DNAJB11: variants seen among roughly 807,000 people sequenced by gnomAD.
The protein encoded by DNAJB11 is DnaJ heat shock protein family (Hsp40) member B11.
A neutral mutation model predicts 47.2 loss-of-function variants in DNAJB11; 30 were observed. The observed-to-expected ratio is 0.64, with a 90% CI of 0.48 to 0.86. The LOEUF is 0.86. Ranked by LOEUF, DNAJB11 falls within the 40% of genes least tolerant of loss-of-function variation. The pLI, the probability that DNAJB11 is intolerant of heterozygous loss-of-function variation, is 0.00. For missense variants in DNAJB11, 357 were observed against 440.2 expected (o/e 0.81, Z 1.69); for synonymous variants, 151 against 159.9 (o/e 0.94, Z 0.42).
At chr3:186,577,544 C>T in intron 3 of DNAJB11, 124 bp from the exon 4 acceptor site, 3 of 847,128 alleles carry the variant, frequency 3.5e-6, no homozygotes, top group East Asian at 2.8e-5. Flanking sequence ...TAAAAAATAC[C>T]TTGTAGTTTT....
At chr3:186,571,302 G>A (rs899316640) in intron 1 of DNAJB11, among the ~76,000 whole-genome samples, 2 of 152,228 alleles carry the variant, frequency 1.3e-5, no homozygotes, top group Non-Finnish European at 2.9e-5. Flanking sequence ...GTAGAGCTGG[G>A]GAAGAAAGAG....
intron 3 of DNAJB11, 47 bp from the exon 4 acceptor site, chr3:186,577,621 A>G: frequency 7.1e-7 from 1 of 1,413,586 alleles, no homozygotes; most frequent in Middle Eastern, 1.9e-4. Context: ...TGAAACATAG[A>G]GTCTTGATTT....
At chr3:186,575,433 TG>T (rs535655574) in intron 2 of DNAJB11, among the ~76,000 whole-genome samples, 188 of 151,922 alleles carry the variant, frequency 1.2e-3, no homozygotes, top group African/African-American at 4.3e-3. Context: ...TATAGACCTG[TG>T]GGGCCAAGTT....
rs767704483 is a variant in DNAJB11, at chr3:186,570,947, T to A, written c.50T>A (p.Ile17Asn). Residue 17 changes from isoleucine (I) to asparagine (N), a missense_variant, in exon 1 of 10, where the codon ATC (isoleucine) becomes AAC (asparagine). Transcript: ENST00000265028. ...STFCLLLLYL[I>N]GAVIAGRDFY... ...TTTTGCCTGTTGCTGCTATACCTCA[T>A]CGGGGCGGTGATTGCCGGGTGAGGA... 9.8e-6 allele frequency: 14 copies of A among 1,427,786 alleles called. No homozygotes were observed. The South Asian group carries it at 1.5e-4, about 15-fold the overall frequency. 88.4% of individuals were successfully genotyped at this position (1,427,786 alleles called of 1,614,324 possible).
chr3:186,578,476 G>A (rs189340084), intron 4 of DNAJB11: 5 of 152,292 alleles, frequency 3.3e-5, no homozygotes, highest in African/African-American at 9.6e-5. Context: ...TTTTGAAATT[G>A]ATTGTACTGA....
Position 186,581,413 on chromosome 3 carries a change from CG to C in DNAJB11, c.501del (p.Lys168SerfsTer20). On this transcript the variant is annotated frameshift_variant, in exon 5 of 10. Transcript: ENST00000265028. LOFTEE classifies it high-confidence loss of function. ...KPVARQAPGK[R>X]KCNCRQEMRT... is the part of the protein sequence containing the mutation. ...TGTGGCAAGGCAGGCTCCTGGCAAA[CG>C]GAAGTGCAATTGTCGGCAAGAGATG... 2 of 1,613,846 alleles carry C rather than the reference CG, an allele frequency of 1.2e-6. No homozygotes were observed. The highest frequency in any genetic ancestry group is 1.1e-5 in the South Asian group (1 of 91,072).
At chr3:186,571,012 TGC>T in intron 1 of DNAJB11, 47 bp downstream of exon 1, 2 of 321,422 alleles carry the variant, frequency 6.2e-6, no homozygotes, top group Non-Finnish European at 1.2e-5. Context: ...GGTCAGCCTT[TGC>T]TGGGGGGTGG....
chr3:186,581,626 G>A, intron 5 of DNAJB11, 113 bp downstream of exon 5: 2 of 1,240,652 alleles, frequency 1.6e-6, no homozygotes, highest in Admixed American at 2.7e-5. Context: ...CCACTGCCAT[G>A]TTCTGCAAAA....
intron 2 of DNAJB11, among the ~76,000 whole-genome samples, chr3:186,573,215 C>A (rs1227699111): frequency 1.3e-5 from 2 of 152,118 alleles, no homozygotes; most frequent in Non-Finnish European, 1.5e-5. Flanking sequence ...AGGCTAAAAA[C>A]AAATTGAAAA....
At chr3:186,582,899 T>C in intron 7 of DNAJB11, 126 bp downstream of exon 7, 1 of 722,974 alleles carries the variant, frequency 1.4e-6, no homozygotes, top group Non-Finnish European at 2.4e-6. Flanking sequence ...GATTTGTAAC[T>C]CCTCTACAAG....
chr3:186,577,382 C>T (rs1210566503), intron 3 of DNAJB11, among the ~76,000 whole-genome samples: 2 of 152,110 alleles, frequency 1.3e-5, no homozygotes, highest in Non-Finnish European at 2.9e-5. Context: ...ACATTGAATT[C>T]ATTGGCATAC....
chr3:186,579,947 ATTC>A (rs1197708177), intron 4 of DNAJB11: 2 of 152,234 alleles, frequency 1.3e-5, no homozygotes, highest in African/African-American at 2.4e-5. Context: ...CAAGAAGCGT[ATTC>A]TTCTTAGTTG....
chr3:186,585,192 A>C (rs558669649), intron 9 of DNAJB11, 152 bp from the exon 10 acceptor site: 6 of 562,656 alleles, frequency 1.1e-5, no homozygotes, highest in Non-Finnish European at 1.3e-5. Flanking sequence ...GGGGTTACCT[A>C]CATGCAATTA....
chr3:186,581,284 G>A (rs1253428771), intron 4 of DNAJB11, 87 bp from the exon 5 acceptor site: 2 of 1,467,580 alleles, frequency 1.4e-6, no homozygotes, highest in Non-Finnish European at 9.3e-7. Context: ...TTTCAGTCCA[G>A]GCATATGTGC....
chr3:186,584,233 G>C (rs1049982417), intron 8 of DNAJB11, among the ~76,000 whole-genome samples, 197 bp from the exon 9 acceptor site: 1 of 152,138 alleles, frequency 6.6e-6, no homozygotes, highest in Non-Finnish European at 1.5e-5. Flanking sequence ...TTGTTTACTT[G>C]TTTTTGTGTT....
chr3:186,575,368 C>CGCGTGTGTGTGTGTGT (rs1406330956), intron 2 of DNAJB11, among the ~76,000 whole-genome samples: 2 of 143,358 alleles, frequency 1.4e-5, no homozygotes, highest in African/African-American at 5.4e-5. Context: ...CGCGCGCGCG[C>CGCGTGTGTGTGTGTGT]GTGTGTGTGT....
Position 186,581,436 on chromosome 3 carries a change from G to A in DNAJB11, c.522G>A (p.Glu174=). Residue 174 remains glutamate, a synonymous_variant, in exon 5 of 10, where the codon GAG becomes GAA. Coordinates refer to ENST00000265028, the MANE Select transcript of DNAJB11 (RefSeq NM_016306.6). ...PGKRKCNCRQ[E]MRTTQLGPGR... is the part of the protein sequence containing the mutation. ...AACGGAAGTGCAATTGTCGGCAAGA[G>A]ATGCGGACCACCCAGCTGGGCCCTG... 6.2e-7 allele frequency: 1 copy of A among 1,613,940 alleles called. No individual in the cohort carries two copies. The highest frequency in any genetic ancestry group is 8.5e-7 in the Non-Finnish European group (1 of 1,179,982).
intron 7 of DNAJB11, 78 bp from the exon 8 acceptor site, chr3:186,583,787 C>T (rs1364989046): frequency 9.6e-7 from 1 of 1,045,652 alleles, no homozygotes; most frequent in African/African-American, 1.6e-5. Context: ...GTGGTGTTCA[C>T]CTTTTTCCAA....
At chr3:186,573,331 C>T (rs1560234389) in intron 2 of DNAJB11, among the ~76,000 whole-genome samples, 1 of 152,140 alleles carries the variant, frequency 6.6e-6, no homozygotes, top group Admixed American at 6.5e-5. Flanking sequence ...AACCCAAGAG[C>T]TGTTGGGGTC....
Sources: allele counts gnomAD v4.1 joint callset (sites outside exome capture counted in the v4.1 genomes callset), GRCh38; gene constraint gnomAD v4.1.1; transcripts MANE v1.5; gene names NCBI Gene and HGNC (gene_info 2026-07-23, HGNC 2026-07-21).